GOLM2: variants seen among roughly 807,000 people sequenced by gnomAD.
GOLM2 encodes protein GOLM2.
GOLM2 carries 26 observed loss-of-function variants against 55.9 expected under a neutral mutation model. That is an observed-to-expected ratio of 0.47 (90% CI 0.34 to 0.65). The LOEUF (loss-of-function observed/expected upper bound fraction) is 0.65. GOLM2 is among the 30% of genes least tolerant of loss of function. The pLI is 0.01. For missense variants in GOLM2, 486 were observed against 531.8 expected, an observed-to-expected ratio of 0.91 and a Z score of 0.85; for synonymous variants, 165 against 194.6, an observed-to-expected ratio of 0.85 and a Z score of 1.27.
chr15:44,299,044 A>G (rs764329275), intron 1 of GOLM2, among the ~76,000 whole-genome samples: 4 of 152,188 alleles, frequency 2.6e-5, no homozygotes, highest in Non-Finnish European at 4.4e-5. Flanking sequence ...TGTTTCCACA[A>G]ACCAAGGAAT....
rs534678930 is a variant in GOLM2, at chr15:44,390,821, A to C, written c.1072+9845A>C. Among the ~76,000 whole-genome samples, 8 of 152,234 alleles carry C rather than the reference A, an allele frequency of 5.3e-5. No homozygotes were observed. In the East Asian group the frequency reaches 1.5e-3, roughly 29 times the overall value. On this transcript the variant is annotated intron_variant, in intron 8 of 9. Transcript: ENST00000299957. ...TAACCTCAGGTGATCCGCCCGCCTC[A>C]GCCTCCCAAAGTGCTGGGATTACAG...
At chr15:44,410,538 T>C (rs2079631375) in intron 9 of GOLM2, among the ~76,000 whole-genome samples, 1 of 152,130 alleles carries the variant, frequency 6.6e-6, no homozygotes, top group Non-Finnish European at 1.5e-5. Context: ...TTAACACATA[T>C]TAAGACAGAT....
chr15:44,362,708 G>A (rs2079250558), intron 6 of GOLM2, among the ~76,000 whole-genome samples: 1 of 152,002 alleles, frequency 6.6e-6, no homozygotes, highest in Non-Finnish European at 1.5e-5. Context: ...AGTTCATATG[G>A]AACCAAAAAA....
chr15:44,383,364 T>C (rs922920800), intron 8 of GOLM2, among the ~76,000 whole-genome samples: 1 of 152,136 alleles, frequency 6.6e-6, no homozygotes, highest in Non-Finnish European at 1.5e-5. Flanking sequence ...ACTAGCTTTA[T>C]AGCACTTGTT....
At chr15:44,364,196 AAAAT>A (rs1008213293) in intron 6 of GOLM2, among the ~76,000 whole-genome samples, 35 of 152,104 alleles carry the variant, frequency 2.3e-4, no homozygotes, top group African/African-American at 7.5e-4. Context: ...AAGTATAATA[AAAAT>A]AAATAAATAA....
chr15:44,300,160 A>G (rs2078787377), intron 1 of GOLM2, among the ~76,000 whole-genome samples: 2 of 146,060 alleles, frequency 1.4e-5, no homozygotes, highest in South Asian at 2.4e-4. Context: ...GGAGGAGGAA[A>G]GAGAAGGAAG....
At chr15:44,301,205 C>G (rs2078795223) in intron 1 of GOLM2, among the ~76,000 whole-genome samples, 1 of 152,164 alleles carries the variant, frequency 6.6e-6, no homozygotes, top group Admixed American at 6.5e-5. Context: ...CTCAGCATCT[C>G]AAAGTGCTGG....
intron 8 of GOLM2, among the ~76,000 whole-genome samples, chr15:44,393,375 A>G (rs1374813501): frequency 6.6e-6 from 1 of 152,156 alleles, no homozygotes; most frequent in African/African-American, 2.4e-5. Flanking sequence ...ATCCATATCC[A>G]TGGATTGGAA....
chr15:44,379,580 C>A, intron 6 of GOLM2, 110 bp from the exon 7 acceptor site: 1 of 657,842 alleles, frequency 1.5e-6, no homozygotes, highest in Non-Finnish European at 2.6e-6. Flanking sequence ...TTAGAATAAA[C>A]ATCATAGAAT....
intron 1 of GOLM2, among the ~76,000 whole-genome samples, chr15:44,295,547 A>G (rs1343254997): frequency 6.6e-6 from 1 of 152,206 alleles, no homozygotes; most frequent in East Asian, 1.9e-4. Flanking sequence ...GGCTGCCATA[A>G]CAAAATGCCA....
At chr15:44,379,203 G>A (rs2079384855) in intron 6 of GOLM2, among the ~76,000 whole-genome samples, 3 of 152,132 alleles carry the variant, frequency 2.0e-5, no homozygotes, top group Admixed American at 2.0e-4. Flanking sequence ...GGGGCCGGGC[G>A]CGGCGGCTCA....
intron 8 of GOLM2, among the ~76,000 whole-genome samples, chr15:44,386,957 T>C (rs1206234520): frequency 6.7e-6 from 1 of 150,074 alleles, no homozygotes; most frequent in East Asian, 2.0e-4. Flanking sequence ...GGCAGATCAC[T>C]GGAGCCCAGG....
At position 44,328,560 on chromosome 15, in the gene GOLM2, T is replaced by A. The variant is rs976405989; in HGVS notation, c.383-125T>A. 11 of 572,742 alleles carry A rather than the reference T, an allele frequency of 1.9e-5. No individual in the cohort carries two copies. In the African/African-American group the frequency reaches 1.9e-4, roughly 10 times the overall value. 35.5% of individuals were successfully genotyped at this position (572,742 alleles called of 1,614,324 possible). A position where few individuals can be genotyped will look rare whatever the true frequency, so the allele number is the denominator to read the frequency against. ...TGTGGTGTTTGTTATATAATTTAAT[T>A]TCCTGGGAGTATTACTAAAGAAATT... On this transcript the variant is annotated intron_variant, in intron 2 of 9. Coordinates refer to ENST00000299957, the MANE Select transcript of GOLM2 (RefSeq NM_138423.4).
intron 1 of GOLM2, among the ~76,000 whole-genome samples, chr15:44,312,411 G>A (rs2078880557): frequency 6.6e-6 from 1 of 151,838 alleles, no homozygotes; most frequent in African/African-American, 2.4e-5. Context: ...TCTCCTGCTT[G>A]ACCAAGAATT....
intron 8 of GOLM2, among the ~76,000 whole-genome samples, chr15:44,391,304 G>C (rs529173454): frequency 6.6e-6 from 1 of 151,840 alleles, no homozygotes; most frequent in African/African-American, 2.4e-5. Context: ...CACGAGGTCG[G>C]GAGATCGAGA....
At chr15:44,303,252 A>G (rs2078812069) in intron 1 of GOLM2, among the ~76,000 whole-genome samples, 1 of 152,202 alleles carries the variant, frequency 6.6e-6, no homozygotes, top group Non-Finnish European at 1.5e-5. Context: ...TCTTGAACCA[A>G]CGGGTGCATA....
At chr15:44,389,301 A>G (rs946314338) in intron 8 of GOLM2, among the ~76,000 whole-genome samples, 25 of 152,038 alleles carry the variant, frequency 1.6e-4, no homozygotes, top group Admixed American at 5.9e-4. Context: ...AGGCTGAGGC[A>G]GGTGGATCAC....
At chr15:44,338,022 G>A in intron 5 of GOLM2, 115 bp downstream of exon 5, 4 of 1,064,120 alleles carry the variant, frequency 3.8e-6, no homozygotes, top group Non-Finnish European at 4.1e-6. Context: ...GTTCACACAT[G>A]ATTAAGTGTC....
Position 44,334,559 on chromosome 15 carries a change from G to A in GOLM2, c.576+2481G>A, listed in dbSNP as rs2079043911. Among the ~76,000 whole-genome samples, 4 of 152,130 alleles carry A rather than the reference G, an allele frequency of 2.6e-5. No individual in the cohort carries two copies. In the East Asian group the frequency reaches 7.7e-4, roughly 29 times the overall value. On this transcript the variant is annotated intron_variant, in intron 4 of 9. Coordinates refer to ENST00000299957, the MANE Select transcript of GOLM2 (RefSeq NM_138423.4). ...GTGGTTTTCACATTTTCAAATGGTT[G>A]AAAAAAATCAAGAAAAAATTATCTT...
Sources: gnomAD v4.1 joint callset for allele counts (sites outside exome capture counted in the v4.1 genomes callset) on GRCh38, gnomAD v4.1.1 for gene constraint, MANE v1.5 for transcripts, NCBI Gene and HGNC (gene_info 2026-07-23, HGNC 2026-07-21) for gene names.